KCNMA1: variants seen among roughly 807,000 people sequenced by gnomAD.
KCNMA1 encodes the protein Calcium-activated potassium channel subunit alpha-1.
In KCNMA1, 29 loss-of-function variants were observed where a neutral mutation model predicts 140.0. That is an observed-to-expected ratio of 0.21 (90% confidence interval 0.15 to 0.28). KCNMA1 has a LOEUF of 0.28. Among genes scored for constraint, KCNMA1 ranks in the 10% least tolerant of loss-of-function variants. The pLI is 1.00. For missense variants in KCNMA1, 880 were observed against 1,602.2 expected, an observed-to-expected ratio of 0.55 and a Z score of 7.70; for synonymous variants, 612 against 611.9, an observed-to-expected ratio of 1.00 and a Z score of 0.00.
At chr10:76,958,937 C>T (rs1205851740) in intron 20 of KCNMA1, among the ~76,000 whole-genome samples, 1 of 152,170 alleles carries the variant, frequency 6.6e-6, no homozygotes, top group African/African-American at 2.4e-5. Flanking sequence ...TAGCTGAAGG[C>T]CCCCGGCTGC....
intron 16 of KCNMA1, among the ~76,000 whole-genome samples, chr10:77,025,961 A>G (rs2093409521): frequency 6.8e-6 from 1 of 148,014 alleles, no homozygotes; most frequent in Non-Finnish European, 1.5e-5. Flanking sequence ...AAACAAAGCC[A>G]AACAAGTCCT....
chr10:77,193,049 G>GT (rs34588382), intron 3 of KCNMA1, among the ~76,000 whole-genome samples: 34,893 of 147,896 alleles, frequency 0.24, 4,404 homozygotes, highest in Non-Finnish European at 0.28. Context: ...TTTTTTCCTA[G>GT]TTTTTTTTTT....
intron 3 of KCNMA1, among the ~76,000 whole-genome samples, chr10:77,235,998 A>G (rs2055310506): frequency 6.6e-6 from 1 of 152,156 alleles, no homozygotes; most frequent in African/African-American, 2.4e-5. Context: ...ACCATGCCAG[A>G]AAGTCTAACA....
At position 77,050,282 on chromosome 10, in the gene KCNMA1, A is replaced by T. The variant is rs373339332; in HGVS notation, c.1750-10645T>A. ...AACAACTTGATCTTTTCTAAAAAAA[A>T]AAAATAAAAAAACAAAAAAACAAAA... On this transcript the variant is annotated intron_variant, in intron 14 of 27. Transcript: ENST00000286628. 1.7e-3 allele frequency among the ~76,000 whole-genome samples: 262 copies of T among 152,236 alleles called. 1 individual carries two copies. The highest frequency in any genetic ancestry group is 5.9e-3 in the African/African-American group (247 of 41,566).
intron 2 of KCNMA1, among the ~76,000 whole-genome samples, chr10:77,279,861 C>T (rs1350309873): frequency 6.6e-6 from 1 of 152,210 alleles, no homozygotes; most frequent in Non-Finnish European, 1.5e-5. Context: ...CCATATAAGA[C>T]TTGCCTTTTG....
chr10:77,326,542 C>A (rs1349464413), intron 2 of KCNMA1, among the ~76,000 whole-genome samples: 1 of 151,760 alleles, frequency 6.6e-6, no homozygotes, highest in Non-Finnish European at 1.5e-5. Context: ...GTGGTGGTGA[C>A]AGTGATAATG....
chr10:77,244,023 A>G (rs1194806696), intron 3 of KCNMA1, among the ~76,000 whole-genome samples: 8 of 152,210 alleles, frequency 5.3e-5, no homozygotes, highest in Admixed American at 5.2e-4. Context: ...CCCCATGATA[A>G]GGGCCTAGAA....
chr10:76,873,171 T>C (rs1254353665), downstream of KCNMA1: 1 of 152,232 alleles, frequency 6.6e-6, no homozygotes, highest in Non-Finnish European at 1.5e-5. Context: ...AATTAGGCTC[T>C]GTGGTCTCTT....
intron 2 of KCNMA1, among the ~76,000 whole-genome samples, chr10:77,378,242 C>A (rs967918741): frequency 6.6e-6 from 1 of 152,122 alleles, no homozygotes; most frequent in Non-Finnish European, 1.5e-5. Context: ...TCATGGGGAC[C>A]CAGGTGAGGT....
chr10:77,075,030 C>T (rs986184852), intron 13 of KCNMA1, among the ~76,000 whole-genome samples: 2 of 152,174 alleles, frequency 1.3e-5, no homozygotes, highest in African/African-American at 4.8e-5. Context: ...TTATGAAATT[C>T]CTTCTTGCAA....
intron 19 of KCNMA1, among the ~76,000 whole-genome samples, chr10:76,976,075 A>G (rs1285729392): frequency 2.6e-5 from 4 of 152,200 alleles, no homozygotes; most frequent in Non-Finnish European, 5.9e-5. Flanking sequence ...GAAATAGGAA[A>G]CACATTTACT....
intron 1 of KCNMA1, among the ~76,000 whole-genome samples, chr10:77,615,000 TG>T (rs1465597983): frequency 6.6e-6 from 1 of 152,098 alleles, no homozygotes; most frequent in Admixed American, 6.5e-5. Context: ...AGGAACTTGG[TG>T]TACAGAAAGA....
At chr10:77,619,026 T>C (rs2090504189) in intron 1 of KCNMA1, among the ~76,000 whole-genome samples, 1 of 152,112 alleles carries the variant, frequency 6.6e-6, no homozygotes, top group Non-Finnish European at 1.5e-5. Context: ...CTTGGGAAGA[T>C]GTTAAGAGGA....
At chr10:77,567,261 C>A (rs1387332564) in intron 1 of KCNMA1, among the ~76,000 whole-genome samples, 1 of 152,268 alleles carries the variant, frequency 6.6e-6, no homozygotes, top group Non-Finnish European at 1.5e-5. Context: ...AGATCCATAT[C>A]TGTCACCATG....
chr10:77,141,085 C>T (rs1486430751), intron 5 of KCNMA1, among the ~76,000 whole-genome samples: 1 of 152,120 alleles, frequency 6.6e-6, no homozygotes, highest in African/African-American at 2.4e-5. Flanking sequence ...GTCGTGGCCA[C>T]CTCCCACCAC....
intron 23 of KCNMA1, among the ~76,000 whole-genome samples, chr10:76,925,421 C>A (rs1408536493): frequency 1.3e-5 from 2 of 152,092 alleles, no homozygotes; most frequent in Non-Finnish European, 2.9e-5. Flanking sequence ...CTTACTATGC[C>A]AGGGAAAAGG....
intron 1 of KCNMA1, among the ~76,000 whole-genome samples, chr10:77,459,310 C>T (rs1375122465): frequency 1.3e-5 from 2 of 152,226 alleles, no homozygotes; most frequent in Non-Finnish European, 2.9e-5. Context: ...GCCCCAGAAT[C>T]CTCTGACCTG....
chr10:77,566,242 C>G (rs2068260210), intron 1 of KCNMA1, among the ~76,000 whole-genome samples: 1 of 152,198 alleles, frequency 6.6e-6, no homozygotes, highest in South Asian at 2.1e-4. Flanking sequence ...GTCCCCCCAT[C>G]CCATCCCCCA....
intron 2 of KCNMA1, among the ~76,000 whole-genome samples, chr10:77,294,104 A>T (rs900948542): frequency 1.3e-5 from 2 of 152,274 alleles, no homozygotes; most frequent in Non-Finnish European, 2.9e-5. Flanking sequence ...CAACGTGGAC[A>T]GACAAAAGAA....
Sources: allele counts gnomAD v4.1 joint callset (sites outside exome capture counted in the v4.1 genomes callset), GRCh38; gene constraint gnomAD v4.1.1; transcripts MANE v1.5; gene names NCBI Gene and HGNC (gene_info 2026-07-23, HGNC 2026-07-21).